The following MGAT5 variants were observed in gnomAD, a reference collection of about 807,000 sequenced individuals.
The protein encoded by MGAT5 is alpha-1,6-mannosylglycoprotein 6-beta-N-acetylglucosaminyltransferase.
Under a neutral mutation model 94.3 loss-of-function variants are expected in MGAT5, and 30 were observed. That is an observed-to-expected ratio of 0.32 (90% CI 0.24 to 0.43). The LOEUF (loss-of-function observed/expected upper bound fraction) is 0.43, where lower values mean the gene tolerates loss of function less well. Among genes scored for constraint, MGAT5 ranks in the 20% least tolerant of loss-of-function variants. The pLI is 1.00. For missense variants in MGAT5, 691 were observed against 905.5 expected (o/e 0.76, Z 3.04); for synonymous variants, 310 against 322.9 (o/e 0.96, Z 0.43).
At chr2:134,290,310 T>C (rs1320400638) in intron 2 of MGAT5, among the ~76,000 whole-genome samples, 5 of 152,234 alleles carry the variant, frequency 3.3e-5, no homozygotes, top group Admixed American at 2.6e-4. Flanking sequence ...CTTTTAAAAA[T>C]TACTCCGTTG....
chr2:134,234,019 A>T (rs1482149644), intron 1 of MGAT5, among the ~76,000 whole-genome samples: 6 of 152,252 alleles, frequency 3.9e-5, no homozygotes, highest in African/African-American at 7.2e-5. Context: ...GAGTGGAGAA[A>T]TCAGAACGCT....
intron 1 of MGAT5, among the ~76,000 whole-genome samples, chr2:134,246,404 C>T (rs1051001392): frequency 2.0e-5 from 3 of 152,140 alleles, no homozygotes; most frequent in Non-Finnish European, 4.4e-5. Flanking sequence ...CTCAGAGCTT[C>T]TTCCCAGGAA....
intron 1 of MGAT5, among the ~76,000 whole-genome samples, chr2:134,236,345 T>G (rs1681637356): frequency 6.6e-6 from 1 of 152,180 alleles, no homozygotes; most frequent in Non-Finnish European, 1.5e-5. Flanking sequence ...AGGATCTCCA[T>G]GAAACCTCTT....
At chr2:134,372,938 C>T (rs1458002631) in intron 10 of MGAT5, among the ~76,000 whole-genome samples, 4 of 152,208 alleles carry the variant, frequency 2.6e-5, no homozygotes, top group African/African-American at 4.8e-5. Context: ...GCTCAGGCAG[C>T]CAGTGAACAT....
At chr2:134,216,504 G>A (rs1044250206) in intron 1 of MGAT5, among the ~76,000 whole-genome samples, 1 of 152,194 alleles carries the variant, frequency 6.6e-6, no homozygotes, top group Non-Finnish European at 1.5e-5. Flanking sequence ...TTTTCTGTTT[G>A]TTGAGGCAAT....
At chr2:134,362,915 G>A (rs1171498416) in intron 10 of MGAT5, among the ~76,000 whole-genome samples, 1 of 152,232 alleles carries the variant, frequency 6.6e-6, no homozygotes, top group Non-Finnish European at 1.5e-5. Flanking sequence ...TAGGCACTTT[G>A]TTCAGGGAGG....
At chr2:134,412,833 A>G in intron 11 of MGAT5, 36 bp from the exon 12 acceptor site, 1 of 1,611,204 alleles carries the variant, frequency 6.2e-7, no homozygotes, top group Non-Finnish European at 8.5e-7. Flanking sequence ...GTCCTGCCTG[A>G]TGTGTTCATA....
intron 2 of MGAT5, among the ~76,000 whole-genome samples, chr2:134,316,542 C>T (rs1167091507): frequency 1.3e-5 from 2 of 152,124 alleles, no homozygotes; most frequent in African/African-American, 4.8e-5. Context: ...TGTATGTTCT[C>T]CACCATTAGA....
At chr2:134,146,061 A>G (rs77886179) in intron 1 of MGAT5, among the ~76,000 whole-genome samples, 1,864 of 152,262 alleles carry the variant, frequency 0.012, 37 homozygotes, top group African/African-American at 0.043. Context: ...ATTCTGCTTT[A>G]AGGAGAGTTT....
chr2:134,395,618 A>G (rs1682661193), intron 10 of MGAT5, among the ~76,000 whole-genome samples: 1 of 152,192 alleles, frequency 6.6e-6, no homozygotes, highest in Non-Finnish European at 1.5e-5. Flanking sequence ...CTGTACATGT[A>G]ATAGTTGTCT....
intron 10 of MGAT5, among the ~76,000 whole-genome samples, chr2:134,377,158 C>T (rs977864201): frequency 2.6e-5 from 4 of 152,338 alleles, no homozygotes; most frequent in South Asian, 2.1e-4. Flanking sequence ...ACCTCACAAC[C>T]ATGAAGCAAG....
At chr2:134,422,770 C>T (rs749815771) in intron 12 of MGAT5, 33 bp from the exon 13 acceptor site, 31 of 1,543,408 alleles carry the variant, frequency 2.0e-5, no homozygotes, top group Non-Finnish European at 2.8e-5. Flanking sequence ...TTAAAAATTG[C>T]TTGTGAGACT....
intron 1 of MGAT5, among the ~76,000 whole-genome samples, chr2:134,206,838 C>A (rs1680042777): frequency 6.6e-6 from 1 of 152,160 alleles, no homozygotes; most frequent in Admixed American, 6.5e-5. Flanking sequence ...ACCGACTGTC[C>A]CTAGAGCCTC....
intron 1 of MGAT5, among the ~76,000 whole-genome samples, chr2:134,220,667 G>A (rs1474053619): frequency 3.9e-5 from 6 of 152,214 alleles, no homozygotes; most frequent in Admixed American, 2.0e-4. Context: ...TATGCACGCT[G>A]CTGCTGTTTT....
chr2:134,446,972 T>G (rs1251486944), intron 15 of MGAT5, among the ~76,000 whole-genome samples: 6 of 152,164 alleles, frequency 3.9e-5, no homozygotes, highest in Admixed American at 3.3e-4. Context: ...AGGATTAATG[T>G]TGGCAAGGGG....
chr2:134,234,952 A>C lies in MGAT5; in HGVS notation c.-142-19310A>C, dbSNP rs139214508. Reference sequence around the variant, plus strand: ...TCAAGTGCTTAGGGTGGTGGTTGTAAGGAAGGTTGCAGATGCGTTTTATTT... The same window carrying C: ...TCAAGTGCTTAGGGTGGTGGTTGTACGGAAGGTTGCAGATGCGTTTTATTT... On this transcript the variant is annotated intron_variant, in intron 1 of 16. Transcript: ENST00000409645. Among the ~76,000 whole-genome samples, 8 of 151,610 alleles carry C rather than the reference A, an allele frequency of 5.3e-5. No homozygotes were observed. In the East Asian group the frequency reaches 1.6e-3, roughly 30 times the overall value.
chr2:134,416,646 A>G lies in MGAT5; in HGVS notation c.1677+3631A>G, dbSNP rs77917873. On this transcript the variant is annotated intron_variant, in intron 12 of 15. Transcript: ENST00000281923. The stretch of plus-strand genomic sequence containing the variant: ...GCCACGACACCTCGCTACTCTTTTT[A>G]TATTTGGTAGAGATGGGATCTCACT... Among the ~76,000 whole-genome samples, 4 of 151,262 alleles carry G rather than the reference A, an allele frequency of 2.6e-5. No homozygotes were observed. The East Asian group carries it at 7.8e-4, about 30-fold the overall frequency.
At chr2:134,189,602 G>GTTTTTTTTTTTTTGTTTTTT (rs1553490382) in intron 1 of MGAT5, among the ~76,000 whole-genome samples, 2 of 84,672 alleles carry the variant, frequency 2.4e-5, no homozygotes, top group African/African-American at 9.5e-5. Context: ...GTTTTTTTTT[G>GTTTTTTTTTTTTTGTTTTTT]TTTTTTTTTT....
intron 1 of MGAT5, among the ~76,000 whole-genome samples, chr2:134,157,538 C>T (rs1254900761): frequency 6.6e-6 from 1 of 152,078 alleles, no homozygotes; most frequent in Non-Finnish European, 1.5e-5. Flanking sequence ...ACCTTTTTGG[C>T]ACCAGGGACT....
Sources: allele counts gnomAD v4.1 joint callset (sites outside exome capture counted in the v4.1 genomes callset), GRCh38; gene constraint gnomAD v4.1.1; transcripts MANE v1.5; gene names NCBI Gene and HGNC (gene_info 2026-07-23, HGNC 2026-07-21).